ANK3: variants seen among roughly 807,000 people sequenced by gnomAD.
The protein encoded by ANK3 is ankyrin 3, also known as ankyrin-3.
Under a neutral mutation model 370.9 loss-of-function variants are expected in ANK3, and 57 were observed. The ratio of observed to expected loss-of-function variants is 0.15; its 90% CI spans 0.12 to 0.19. The LOEUF (loss-of-function observed/expected upper bound fraction) is 0.19. ANK3 is among the 10% of genes least tolerant of loss of function. ANK3 has a pLI of 1.00. For synonymous variants in ANK3, 1,929 were observed against 1,946.3 expected (o/e 0.99, Z 0.23); for missense variants, 4,439 against 5,302.1 (o/e 0.84, Z 5.06).
intron 1 of ANK3, among the ~76,000 whole-genome samples, chr10:60,385,805 C>T (rs1360445328): frequency 6.6e-6 from 1 of 152,038 alleles, no homozygotes; most frequent in Non-Finnish European, 1.5e-5. Context: ...ATTAGGTCAC[C>T]TCAAATTTTT....
rs765015032 is a variant in ANK3, at chr10:60,070,942, G to A, written c.9939C>T (p.Asp3313=). Residue 3313 remains aspartate (D), a synonymous_variant, in exon 37 of 44, where the codon GAC becomes GAT. Coordinates refer to ENST00000280772, the MANE Select transcript of ANK3 (RefSeq NM_020987.5). The surrounding 1 kb of genome is among the most constrained non-coding windows in gnomAD (Gnocchi z 5.7). ...QPPSPVPPGA[D]VSDSSDDESI... ...ATTCGTCATCGCTTGAATCACTGAC[G>A]TCTGCCCCGGGAGGAACTGGTGAAG... The A allele has an allele frequency of 1.5e-5, 25 of 1,613,930 alleles. No homozygotes were observed. The Middle Eastern group carries it at 4.9e-4, about 32-fold the overall frequency.
At chr10:60,163,892 C>G (rs1188214270) in intron 23 of ANK3, among the ~76,000 whole-genome samples, 1 of 152,058 alleles carries the variant, frequency 6.6e-6, no homozygotes, top group Admixed American at 6.6e-5. Flanking sequence ...TCTGGGGATA[C>G]CAATGTGATG....
intron 1 of ANK3, among the ~76,000 whole-genome samples, chr10:60,350,266 GT>G (rs1159726154): frequency 6.6e-6 from 1 of 152,178 alleles, no homozygotes; most frequent in Non-Finnish European, 1.5e-5. Flanking sequence ...GTAGCTAAAG[GT>G]TTTGGCTTTA....
intron 2 of ANK3, among the ~76,000 whole-genome samples, chr10:60,489,832 C>A (rs2075447476): frequency 6.6e-6 from 1 of 152,236 alleles, no homozygotes; most frequent in Admixed American, 6.5e-5. Flanking sequence ...TAAGAACAAA[C>A]CTTCTTCACA....
rs1316125800 is a variant in ANK3 at position 60,481,619 on chromosome 10, T to C, written c.96+133567A>G. 2.6e-5 allele frequency among the ~76,000 whole-genome samples: 4 copies of C among 152,218 alleles called. No individual in the cohort carries two copies. In the East Asian group the frequency reaches 7.7e-4, roughly 29 times the overall value. On this transcript the variant is annotated intron_variant, in intron 2 of 43. Transcript: ENST00000373827. ...CTGGGATCACAGGTGCCTGCCACCA[T>C]GCCCGGCTAATTTTTTATATTTTTA...
chr10:60,230,659 G>C lies in ANK3; in HGVS notation c.897+4029C>G, dbSNP rs547891001. On this transcript the variant is annotated intron_variant, in intron 8 of 43. Transcript: ENST00000280772. Reference sequence around the variant, plus strand: ...TAATCCCAGCACTTTGAGAGGCTGAGATGGGCAGATCACGAGGTCAGGAGA... The same window carrying C: ...TAATCCCAGCACTTTGAGAGGCTGACATGGGCAGATCACGAGGTCAGGAGA... 5.3e-5 allele frequency among the ~76,000 whole-genome samples: 8 copies of C among 152,334 alleles called. No individual in the cohort carries two copies. The South Asian group carries it at 1.7e-3, about 32-fold the overall frequency.
intron 1 of ANK3, among the ~76,000 whole-genome samples, chr10:60,336,765 T>C (rs980875866): frequency 2.6e-5 from 4 of 152,222 alleles, no homozygotes; most frequent in Admixed American, 6.5e-5. Flanking sequence ...TGCTTTTAAC[T>C]AGCTCAGACC....
intron 2 of ANK3, among the ~76,000 whole-genome samples, chr10:60,535,687 G>A (rs1042216465): frequency 3.9e-5 from 6 of 151,970 alleles, no homozygotes; most frequent in Admixed American, 3.9e-4. Context: ...CCCTCACAGG[G>A]CAAATATTGG....
At chr10:60,041,153 TG>T (rs1358839680) in intron 43 of ANK3, among the ~76,000 whole-genome samples, 2 of 152,358 alleles carry the variant, frequency 1.3e-5, no homozygotes, top group East Asian at 3.9e-4. Flanking sequence ...ACAGGTTTTC[TG>T]TTCATCCACC....
chr10:60,685,016 T>C (rs2079249249), intron 1 of ANK3: 6 of 1,544,082 alleles, frequency 3.9e-6, no homozygotes, highest in Admixed American at 1.7e-5. Context: ...TGCGCAATCA[T>C]AGGAGATGGC....
rs565350190 is a variant in ANK3, at chr10:60,226,363, ATATAG to A, written c.897+8320_897+8324del. ...TATATAGTATATGTAATACTATATA[ATATAG>A]TAAATTATAGAATAAATTATAGTAT... On this transcript the variant is annotated intron_variant, in intron 8 of 43. Coordinates refer to ENST00000280772, the MANE Select transcript of ANK3 (RefSeq NM_020987.5). Among the ~76,000 whole-genome samples, 11 of 104,502 alleles carry A rather than the reference ATATAG, an allele frequency of 1.1e-4. 1 individual carries two copies. The highest frequency in any genetic ancestry group is 4.1e-4 in the African/African-American group (10 of 24,244). 68.6% of individuals were successfully genotyped at this position (104,502 alleles called of 152,430 possible). A position where few individuals can be genotyped will look rare whatever the true frequency, so the allele number is the denominator to read the frequency against.
At position 60,139,252 on chromosome 10, in the gene ANK3, T is replaced by A. The variant is rs1013975217; in HGVS notation, c.2615-165A>T. 4.0e-6 allele frequency: 3 copies of A among 753,532 alleles called. No homozygotes were observed. In the African/African-American group the frequency reaches 5.3e-5, roughly 13 times the overall value. The allele number at this position is 753,532 out of a possible 1,614,324, so 46.7% of individuals were successfully genotyped here. A position where few individuals can be genotyped will look rare whatever the true frequency, so the allele number is the denominator to read the frequency against. On this transcript the variant is annotated intron_variant, in intron 23 of 43. Transcript: ENST00000280772. The stretch of plus-strand genomic sequence containing the variant: ...AACTCTCATTTAGAAGGAAAAGGTA[T>A]AGGTAAAGGTTAGTACACAATTTCA...
chr10:60,571,701 A>C (rs2077604506), intron 2 of ANK3, among the ~76,000 whole-genome samples: 1 of 152,202 alleles, frequency 6.6e-6, no homozygotes, highest in African/African-American at 2.4e-5. Context: ...ACAATTTATA[A>C]ATCACAATGG....
chr10:60,329,959 C>A, intron 1 of ANK3, among the ~76,000 whole-genome samples: 1 of 152,132 alleles, frequency 6.6e-6, no homozygotes, highest in South Asian at 2.1e-4. Flanking sequence ...TGAAACAGAA[C>A]AGAGGCCTCA....
intron 18 of ANK3, among the ~76,000 whole-genome samples, chr10:60,177,808 G>T (rs2096018571): frequency 1.3e-5 from 2 of 151,962 alleles, no homozygotes; most frequent in Admixed American, 1.3e-4. Context: ...CGCCGTGTTA[G>T]CCAGGATGGT....
chr10:60,585,953 G>A (rs2077825288), intron 2 of ANK3, among the ~76,000 whole-genome samples: 1 of 152,092 alleles, frequency 6.6e-6, no homozygotes, highest in East Asian at 1.9e-4. Context: ...GAACCCCAGA[G>A]GCAGAGGTTG....
intron 2 of ANK3, chr10:60,572,657 G>T (rs564146372): frequency 1.2e-4 from 168 of 1,450,468 alleles, no homozygotes; most frequent in Non-Finnish European, 1.4e-4. Context: ...CAAAGCAGCC[G>T]CTGCTTAAAC....
Position 60,627,911 on chromosome 10 carries a change from CTTGT to C in ANK3, c.58-12691_58-12688del, listed in dbSNP as rs541283913. 1.4e-3 allele frequency among the ~76,000 whole-genome samples: 219 copies of C among 152,236 alleles called. 1 individual carries two copies. The highest frequency in any genetic ancestry group is 6.0e-3 in the South Asian group (29 of 4,826). ...ACTGAGCCCTGGAGAGGTTAATTAA[CTTGT>C]TTGAGATCACAGAGCTAGTAAATGA... On this transcript the variant is annotated intron_variant, in intron 1 of 43. Coordinates refer to the ANK3 transcript ENST00000373827.
At position 60,263,889 on chromosome 10, in the gene ANK3, C is replaced by T. The variant is rs145034480; in HGVS notation, c.645G>A (p.Thr215=). The change falls in exon 6 of 44, where the codon ACG becomes ACA. Residue 215 remains threonine, a synonymous_variant. Coordinates refer to ENST00000280772, the MANE Select transcript of ANK3 (RefSeq NM_020987.5). ...ALHIAARKDD[T]KAAALLLQND... ...TCTGCAGCAGCAGGGCGGCGGCTTTCGTGTCGTCTTTTCGGGCCGCGATAT... is the reference window on the plus strand; with the variant it reads ...TCTGCAGCAGCAGGGCGGCGGCTTTTGTGTCGTCTTTTCGGGCCGCGATAT... 84 of 1,613,978 alleles carry T rather than the reference C, an allele frequency of 5.2e-5. No individual in the cohort carries two copies. Among genetic ancestry groups the T allele is most frequent in the Non-Finnish European group, 6.4e-5 (76 of 1,180,024 alleles).
Sources: allele counts gnomAD v4.1 joint callset (sites outside exome capture counted in the v4.1 genomes callset), GRCh38; gene constraint gnomAD v4.1.1; non-coding constraint Gnocchi (gnomAD v3.1); transcripts MANE v1.5; gene names NCBI Gene and HGNC (gene_info 2026-07-23, HGNC 2026-07-21).